Variants in ARHGAP15 observed in about 807,000 individuals in gnomAD.
ARHGAP15 encodes rho GTPase-activating protein 15.
A neutral mutation model predicts 63.7 loss-of-function variants in ARHGAP15; 51 were observed. The observed-to-expected ratio is 0.80, with a 90% CI of 0.64 to 1.01. The LOEUF is 1.01. Ranked by LOEUF, ARHGAP15 falls within the 50% of genes least tolerant of loss-of-function variation. The pLI is 0.00. For missense variants in ARHGAP15, 560 were observed against 564.6 expected, an observed-to-expected ratio of 0.99 and a Z score of 0.08; for synonymous variants, 191 against 193.8, an observed-to-expected ratio of 0.99 and a Z score of 0.12.
chr2:143,288,691 G>C (rs1682238389), intron 6 of ARHGAP15, among the ~76,000 whole-genome samples: 1 of 150,044 alleles, frequency 6.7e-6, no homozygotes, highest in Non-Finnish European at 1.5e-5. Flanking sequence ...TCTATTCTTA[G>C]CTTCACCTGA....
chr2:143,698,916 G>T (rs773777511), intron 12 of ARHGAP15, among the ~76,000 whole-genome samples: 2 of 152,126 alleles, frequency 1.3e-5, no homozygotes, highest in Admixed American at 6.6e-5. Flanking sequence ...ATATCTCAAA[G>T]TCTTCTCAGA....
Position 143,155,766 on chromosome 2 carries a change from A to C in ARHGAP15, c.165+111A>C, listed in dbSNP as rs1690052722. 1.6e-5 allele frequency: 19 copies of C among 1,158,434 alleles called. No homozygotes were observed. The South Asian group carries it at 3.0e-4, about 18-fold the overall frequency. 71.8% of individuals were successfully genotyped at this position (1,158,434 alleles called of 1,614,324 possible). Reference sequence around the variant, plus strand: ...ATTTGTTTTCCTAATGTGCATGAGAAAACTGTTTTTGTAATGCATTTTATC... The same window carrying C: ...ATTTGTTTTCCTAATGTGCATGAGACAACTGTTTTTGTAATGCATTTTATC... On this transcript the variant is annotated intron_variant, in intron 2 of 13. Coordinates refer to ENST00000295095, the MANE Select transcript of ARHGAP15 (RefSeq NM_018460.4).
intron 1 of ARHGAP15, among the ~76,000 whole-genome samples, chr2:143,148,701 A>G (rs1236180989): frequency 2.0e-5 from 3 of 152,006 alleles, no homozygotes; most frequent in African/African-American, 4.8e-5. Context: ...CCCAAAGACA[A>G]TGTTACCCAA....
intron 6 of ARHGAP15, among the ~76,000 whole-genome samples, chr2:143,387,114 T>C (rs989552405): frequency 3.3e-5 from 5 of 152,120 alleles, no homozygotes; most frequent in Non-Finnish European, 5.9e-5. Context: ...CAAGTTTACT[T>C]GTGTAACAAA....
chr2:143,379,855 G>A (rs1438065535), intron 6 of ARHGAP15, among the ~76,000 whole-genome samples: 4 of 151,830 alleles, frequency 2.6e-5, no homozygotes, highest in Admixed American at 1.3e-4. Context: ...TTTTAAAGAC[G>A]TTCTTACTCA....
Position 143,188,147 on chromosome 2 carries a change from G to A in ARHGAP15, c.166-13987G>A, listed in dbSNP as rs914053746. Among the ~76,000 whole-genome samples the A allele has an allele frequency of 4.0e-5, 6 of 151,862 alleles. No individual in the cohort carries two copies. The South Asian group carries it at 1.0e-3, about 26-fold the overall frequency. Reference sequence around the variant, plus strand: ...CTGTTCTAGGCATTATGCACTTTCCGTTACTATAGTTTAATATCTCATTTA... The same window carrying A: ...CTGTTCTAGGCATTATGCACTTTCCATTACTATAGTTTAATATCTCATTTA... On this transcript the variant is annotated intron_variant, in intron 2 of 13. Coordinates refer to ENST00000295095, the MANE Select transcript of ARHGAP15 (RefSeq NM_018460.4).
intron 6 of ARHGAP15, among the ~76,000 whole-genome samples, chr2:143,361,506 ATGGT>A (rs1414331101): frequency 1.3e-5 from 2 of 152,190 alleles, no homozygotes; most frequent in African/African-American, 4.8e-5. Flanking sequence ...CTTGATGTTA[ATGGT>A]CACAGAAGAT....
chr2:143,386,982 A>T (rs1272642505), intron 6 of ARHGAP15, among the ~76,000 whole-genome samples: 2 of 152,092 alleles, frequency 1.3e-5, no homozygotes, highest in Non-Finnish European at 2.9e-5. Flanking sequence ...AAGAGAAACA[A>T]CAGACACTGA....
intron 12 of ARHGAP15, among the ~76,000 whole-genome samples, chr2:143,695,888 G>C (rs896737679): frequency 4.0e-5 from 6 of 151,052 alleles, no homozygotes; most frequent in Admixed American, 6.6e-5. Flanking sequence ...GTTACTTAAA[G>C]ACTAAGACTT....
rs181674548 is a variant in ARHGAP15 at position 143,431,074 on chromosome 2, A to G, written c.475-4527A>G. Among the ~76,000 whole-genome samples the G allele has an allele frequency of 2.0e-5, 3 of 152,166 alleles. No individual in the cohort carries two copies. The East Asian group carries it at 5.8e-4, about 29-fold the overall frequency. ...ATAGCAAGAGAGTGCTTGTTTTTGG[A>G]AAGAAAAATCAGAGCTAGGATTTTG... On this transcript the variant is annotated intron_variant, in intron 6 of 13. Coordinates refer to ENST00000295095, the MANE Select transcript of ARHGAP15 (RefSeq NM_018460.4).
At chr2:143,325,941 C>T (rs2105238800) in intron 6 of ARHGAP15, among the ~76,000 whole-genome samples, 1 of 152,210 alleles carries the variant, frequency 6.6e-6, no homozygotes, top group East Asian at 1.9e-4. Flanking sequence ...CTAAATATTG[C>T]CCACACTGAT....
At chr2:143,278,389 T>C (rs1681671102) in intron 6 of ARHGAP15, among the ~76,000 whole-genome samples, 1 of 152,114 alleles carries the variant, frequency 6.6e-6, no homozygotes, top group Non-Finnish European at 1.5e-5. Flanking sequence ...TCTAACCCTA[T>C]AACCTGCGAG....
intron 6 of ARHGAP15, among the ~76,000 whole-genome samples, chr2:143,335,146 ATC>A (rs1460040836): frequency 1.3e-5 from 2 of 152,216 alleles, no homozygotes; most frequent in Non-Finnish European, 2.9e-5. Flanking sequence ...AACATATCTG[ATC>A]ATGGACACTT....
rs1017720629 is a variant in ARHGAP15, at chr2:143,656,959, G to A, written c.1138+32692G>A. On this transcript the variant is annotated intron_variant, in intron 12 of 13. Coordinates refer to ENST00000295095, the MANE Select transcript of ARHGAP15 (RefSeq NM_018460.4). ...GGTGTGTGTGTGTGTGTGTGTGTGT[G>A]TGTGTGTGTGTGTGTAGGAGTGAGG... 2.8e-4 allele frequency among the ~76,000 whole-genome samples: 43 copies of A among 151,982 alleles called. 2 individuals are homozygous for A. In the East Asian group the frequency reaches 8.1e-3, roughly 29 times the overall value.
intron 9 of ARHGAP15, among the ~76,000 whole-genome samples, chr2:143,503,114 G>C (rs1021868727): frequency 1.3e-4 from 20 of 152,226 alleles, no homozygotes; most frequent in African/African-American, 1.9e-4. Context: ...CCCCCGTTAT[G>C]ACCAGCCTAG....
intron 2 of ARHGAP15, among the ~76,000 whole-genome samples, chr2:143,197,754 A>G (rs939237991): frequency 6.6e-5 from 10 of 152,034 alleles, no homozygotes; most frequent in African/African-American, 2.4e-4. Context: ...AAAATGATAG[A>G]TTGGCTAGTT....
At position 143,155,607 on chromosome 2, in the gene ARHGAP15, C is replaced by A. The variant is rs775911200; in HGVS notation, c.117C>A (p.Ser39Arg). The A allele has an allele frequency of 1.7e-5, 27 of 1,606,576 alleles. No individual in the cohort carries two copies. In the East Asian group the frequency reaches 6.1e-4, roughly 36 times the overall value. The part of the protein sequence containing the change: ...KNANSHHDRL[S>R]QSKSMILTDV... ...CCAACAGCCACCATGACAGGCTCAG[C>A]CAAAGTAAATCCATGATCCTCACCG... The change falls in exon 2 of 14, where the codon AGC (serine) becomes AGA (arginine). Residue 39 changes from serine (S) to arginine (R), a missense_variant. Physicochemically the swap from Ser to Arg is moderately radical, Grantham distance 110. Transcript: ENST00000295095.
At chr2:143,412,672 C>A (rs1379278017) in intron 6 of ARHGAP15, among the ~76,000 whole-genome samples, 5 of 151,966 alleles carry the variant, frequency 3.3e-5, no homozygotes, top group African/African-American at 1.2e-4. Context: ...ATTTATTTAT[C>A]CTGGTTGAGG....
intron 12 of ARHGAP15, among the ~76,000 whole-genome samples, chr2:143,672,130 A>C (rs1391794297): frequency 6.6e-6 from 1 of 152,200 alleles, no homozygotes; most frequent in East Asian, 1.9e-4. Context: ...ACCTACATAA[A>C]GGTAGATGAA....
Sources: gnomAD v4.1 joint callset for allele counts (sites outside exome capture counted in the v4.1 genomes callset) on GRCh38, gnomAD v4.1.1 for gene constraint, MANE v1.5 for transcripts, NCBI Gene and HGNC (gene_info 2026-07-23, HGNC 2026-07-21) for gene names.